Variants in PFKP observed in about 807,000 individuals in gnomAD.
The protein encoded by PFKP is ATP-dependent 6-phosphofructokinase, platelet type.
Under a neutral mutation model 94.3 loss-of-function variants are expected in PFKP, and 101 were observed. The ratio of observed to expected loss-of-function variants is 1.07; its 90% confidence interval spans 0.91 to 1.26. The LOEUF is 1.26. PFKP is among the 50% of genes most tolerant of loss of function. The pLI is 0.00. For missense variants in PFKP, 1,145 were observed against 1,103.3 expected, an observed-to-expected ratio of 1.04 and a Z score of -0.53; for synonymous variants, 573 against 432.6, an observed-to-expected ratio of 1.32 and a Z score of -4.03.
intron 1 of PFKP, among the ~76,000 whole-genome samples, chr10:3,073,879 C>T (rs1404360912): frequency 6.6e-6 from 1 of 152,008 alleles, no homozygotes; most frequent in Non-Finnish European, 1.5e-5. Context: ...GCCCTCTTGC[C>T]CAGCCTGGAG....
At chr10:3,093,850 A>C (rs560292645) in intron 2 of PFKP, among the ~76,000 whole-genome samples, 1 of 152,022 alleles carries the variant, frequency 6.6e-6, no homozygotes, top group Non-Finnish European at 1.5e-5. Context: ...TCACCGTGTT[A>C]GCCAGGATGG....
intron 1 of PFKP, among the ~76,000 whole-genome samples, chr10:3,077,249 CTTT>C (rs35306351): frequency 9.2e-6 from 1 of 108,180 alleles, no homozygotes; most frequent in Non-Finnish European, 1.8e-5. Flanking sequence ...CTATTCTTTA[CTTT>C]TTTTTTTTCT....
chr10:3,120,441 T>C lies in PFKP; in HGVS notation c.1683+397T>C, dbSNP rs565524844. 2.6e-5 allele frequency among the ~76,000 whole-genome samples: 4 copies of C among 152,212 alleles called. No homozygotes were observed. The South Asian group carries it at 8.3e-4, about 32-fold the overall frequency. On this transcript the variant is annotated intron_variant, in intron 16 of 21. Transcript: ENST00000381125. ...TTTGAGCCTCCAATACCCATTATGA[T>C]GAACCCCTGCCTTGATGCTGAGGGT...
chr10:3,132,358 T>A lies in PFKP; in HGVS notation c.1849-22T>A, dbSNP rs755060714. Reference sequence around the variant, plus strand: ...TACTTAGTAGAAGTTTATTGTCTGATTAACAAAATACTCTCTTCCAGTCCA... The same window carrying A: ...TACTTAGTAGAAGTTTATTGTCTGAATAACAAAATACTCTCTTCCAGTCCA... On this transcript the variant is annotated intron_variant, in intron 17 of 21. Coordinates refer to ENST00000381125, the MANE Select transcript of PFKP (RefSeq NM_002627.5). 4.1e-5 allele frequency: 65 copies of A among 1,578,712 alleles called. No individual in the cohort carries two copies. The Admixed American group carries it at 1.1e-3, about 26-fold the overall frequency.
At chr10:3,095,128 C>G (rs1834367993) in intron 2 of PFKP, among the ~76,000 whole-genome samples, 1 of 152,084 alleles carries the variant, frequency 6.6e-6, no homozygotes, top group Non-Finnish European at 1.5e-5. Flanking sequence ...ACCCATGCAA[C>G]AAGCATTCTG....
intron 2 of PFKP, among the ~76,000 whole-genome samples, chr10:3,086,936 C>T (rs1040153702): frequency 6.6e-6 from 1 of 152,114 alleles, no homozygotes; most frequent in African/African-American, 2.4e-5. Context: ...ATGGAACACA[C>T]TGGGAGGCCT....
In PFKP at chr10:3,134,582, G is replaced by A; in HGVS notation, c.2122G>A (p.Gly708Arg). The change falls in exon 20 of 22, where the codon GGA becomes AGA. Residue 708 changes from glycine (G) to arginine (R), a missense_variant and splice_region_variant. This residue lies in a region of PFKP where 1,119 missense variants were observed against 1,062.8 expected (regional missense o/e 1.05). Transcript: ENST00000381125. Reference sequence around the variant, plus strand: ...AAAACTCAAGGAGGCCCGGGGCAGAGGTAAGGGGTCTGGGGAGGGAGGCCA... The same window carrying A: ...AAAACTCAAGGAGGCCCGGGGCAGAAGTAAGGGGTCTGGGGAGGGAGGCCA... ...TAKLKEARGR[G>R]KKFTTDDSIC... The A allele has an allele frequency of 6.2e-7, 1 of 1,606,396 alleles. No individual in the cohort carries two copies. Among genetic ancestry groups the A allele is most frequent in the Non-Finnish European group, 8.5e-7 (1 of 1,173,162 alleles).
At chr10:3,112,564 A>C (rs1302589835) in intron 11 of PFKP, among the ~76,000 whole-genome samples, 1 of 152,198 alleles carries the variant, frequency 6.6e-6, no homozygotes, top group Non-Finnish European at 1.5e-5. Flanking sequence ...CTTTAACAAC[A>C]AACCAAAACA....
chr10:3,123,056 TC>T (rs1837588280), intron 16 of PFKP, among the ~76,000 whole-genome samples: 1 of 152,180 alleles, frequency 6.6e-6, no homozygotes, highest in Non-Finnish European at 1.5e-5. Context: ...ATGATTTCCT[TC>T]TTGCCAGCAT....
intron 13 of PFKP, among the ~76,000 whole-genome samples, chr10:3,114,943 G>A (rs576170079): frequency 3.3e-5 from 5 of 152,338 alleles, no homozygotes; most frequent in East Asian, 1.9e-4. Context: ...GCTCCCAGCC[G>A]GGGCTTTGCA....
intron 7 of PFKP, 41 bp from the exon 8 acceptor site, chr10:3,107,173 A>T: frequency 8.2e-7 from 1 of 1,218,556 alleles, no homozygotes; most frequent in Non-Finnish European, 1.2e-6. Flanking sequence ...TGCTAAGAAC[A>T]GGATTAGGAA....
intron 1 of PFKP, chr10:3,068,694 C>G: frequency 2.0e-6 from 2 of 984,684 alleles, no homozygotes; most frequent in Middle Eastern, 5.2e-4. Context: ...CACGTGGGGG[C>G]GCCGGTGCCC....
intron 1 of PFKP, chr10:3,070,393 G>C (rs533218811): frequency 6.6e-6 from 1 of 152,286 alleles, no homozygotes; most frequent in South Asian, 2.1e-4. Flanking sequence ...GTTAGTACTT[G>C]ATTTTCCCTG....
intron 2 of PFKP, among the ~76,000 whole-genome samples, chr10:3,086,584 C>T (rs888522242): frequency 6.6e-6 from 1 of 152,108 alleles, no homozygotes; most frequent in Non-Finnish European, 1.5e-5. Flanking sequence ...TGGACAGGAC[C>T]ACACCCCACA....
intron 4 of PFKP, 72 bp downstream of exon 4, chr10:3,101,626 C>T (rs1835006979): frequency 1.8e-6 from 2 of 1,100,128 alleles, no homozygotes; most frequent in African/African-American, 1.6e-5. Context: ...GACAGGTTTC[C>T]CTCTTCACTG....
At chr10:3,083,123 T>G (rs1184281776) in intron 2 of PFKP, among the ~76,000 whole-genome samples, 2 of 152,254 alleles carry the variant, frequency 1.3e-5, no homozygotes, top group Non-Finnish European at 2.9e-5. Context: ...CTGAGGCTCT[T>G]ACTGCTGTAG....
At chr10:3,110,930 GT>G (rs574263604) in intron 10 of PFKP, among the ~76,000 whole-genome samples, 36 of 151,992 alleles carry the variant, frequency 2.4e-4, no homozygotes, top group Non-Finnish European at 4.6e-4. Flanking sequence ...GTGTGTGCAT[GT>G]TTTTGTGAGG....
At position 3,099,460 on chromosome 10, in the gene PFKP, T is replaced by C. The variant is rs891974175; in HGVS notation, c.264+108T>C. The C allele has an allele frequency of 3.4e-5, 29 of 847,756 alleles. No individual in the cohort carries two copies. In the African/African-American group the frequency reaches 4.4e-4, roughly 13 times the overall value. 52.5% of individuals were successfully genotyped at this position (847,756 alleles called of 1,614,324 possible). ...GATCAGTTGCGAAATAGAGATTATG[T>C]GGACAGAACAGACTTTGTGAGCAGC... On this transcript the variant is annotated intron_variant, in intron 3 of 21. Coordinates refer to ENST00000381125, the MANE Select transcript of PFKP (RefSeq NM_002627.5).
rs878883807 is a variant in PFKP at position 3,067,796 on chromosome 10, G to C, written c.112+89G>C. 1.1e-5 allele frequency: 6 copies of C among 539,824 alleles called. No homozygotes were observed. The South Asian group carries it at 1.8e-4, about 17-fold the overall frequency. The allele number at this position is 539,824 out of a possible 1,614,324, so 33.4% of individuals were successfully genotyped here. On this transcript the variant is annotated intron_variant, in intron 1 of 21. Coordinates refer to ENST00000381125, the MANE Select transcript of PFKP (RefSeq NM_002627.5). Reference sequence around the variant, plus strand: ...AAGGCGATGGGGTGACCGGAGAGAAGAGGGGGGAAGCGATGGGGGGGACCC... The same window carrying C: ...AAGGCGATGGGGTGACCGGAGAGAACAGGGGGGAAGCGATGGGGGGGACCC...
Sources: gnomAD v4.1 joint callset for allele counts (sites outside exome capture counted in the v4.1 genomes callset) on GRCh38, gnomAD v4.1.1 for gene constraint, gnomAD v4.1.1 regional missense constraint, MANE v1.5 for transcripts, NCBI Gene and HGNC (gene_info 2026-07-23, HGNC 2026-07-21) for gene names.